The following AHNAK2 variants were observed in gnomAD, a reference collection of about 807,000 sequenced individuals.
AHNAK2 encodes the protein AHNAK nucleoprotein 2.
AHNAK2 carries 18 observed loss-of-function variants against 30.7 expected under a neutral mutation model. The ratio of observed to expected loss-of-function variants is 0.59; its 90% CI spans 0.41 to 0.87. The LOEUF is 0.87. Ranked by LOEUF, AHNAK2 falls within the 40% of genes least tolerant of loss-of-function variation. The pLI, the probability that AHNAK2 is intolerant of heterozygous loss-of-function variation, is 0.00. For missense variants in AHNAK2, 8,604 were observed against 7,373.0 expected, an observed-to-expected ratio of 1.17 and a Z score of -6.11; for synonymous variants, 3,590 against 3,073.8, an observed-to-expected ratio of 1.17 and a Z score of -5.56.
In AHNAK2 at chr14:104,947,046, G is replaced by T. The variant is rs1566907075; in HGVS notation, c.8405C>A (p.Ala2802Asp). The T allele has an allele frequency of 1.9e-6, 3 of 1,612,410 alleles. No individual in the cohort carries two copies. Among genetic ancestry groups the T allele is most frequent in the Non-Finnish European group, 2.5e-6 (3 of 1,179,608 alleles). ...GTCTTTGGCTGTCATGCCCTTGTCG[G>T]CCAGGGACAGGTCCCCCTCCAGCCG... Reference protein sequence around the residue: ...GARLEGDLSLADKGMTAKDSK... With the variant: ...GARLEGDLSLDDKGMTAKDSK... Residue 2802 changes from alanine to aspartate, a missense_variant, in exon 7 of 7, where the codon GCC becomes GAC. Physicochemically the swap from Ala to Asp is moderately radical, Grantham distance 126. Coordinates refer to ENST00000333244, the MANE Select transcript of AHNAK2 (RefSeq NM_138420.4).
Position 104,941,396 on chromosome 14 carries a change from G to A in AHNAK2, c.14055C>T (p.Asn4685=). ...CAACTTCTCCAACAGCAAGCCCCAA[G>A]TTACCATCGCGAGATGGATCATGAA... The part of the protein sequence containing the change: ...GDLHDPSRDG[N]LGLAVGEVGM... Residue 4685 remains asparagine (N), a synonymous_variant, in exon 7 of 7, where the codon AAC becomes AAT. Coordinates refer to ENST00000333244, the MANE Select transcript of AHNAK2 (RefSeq NM_138420.4). 1.2e-6 allele frequency: 2 copies of A among 1,613,282 alleles called. No individual in the cohort carries two copies. The highest frequency in any genetic ancestry group is 1.7e-6 in the Non-Finnish European group (2 of 1,179,870).
At position 104,944,076 on chromosome 14, in the gene AHNAK2, G is replaced by T. The variant is rs1406775081; in HGVS notation, c.11375C>A (p.Ala3792Asp). ...SAQLEGDLSL[A>D]DKDVTAKDSK... ...GTCTTTGGCAGTCACATCCTTGTCG[G>T]CCAGGGACAGGTCCCCCTCCAGCTG... The change falls in exon 7 of 7, where the codon GCC becomes GAC. Residue 3792 changes from alanine (A) to aspartate (D), a missense_variant. By Grantham distance (126) the Ala-to-Asp change is moderately radical (BLOSUM62 -2). Transcript: ENST00000333244. The T allele has an allele frequency of 6.2e-7, 1 of 1,613,156 alleles. No individual in the cohort carries two copies. The highest frequency in any genetic ancestry group is 8.5e-7 in the Non-Finnish European group (1 of 1,179,666).
At chr14:104,957,763 G>T in intron 1 of AHNAK2, 91 bp from the exon 2 acceptor site, 1 of 1,310,986 alleles carries the variant, frequency 7.6e-7, no homozygotes, top group Non-Finnish European at 1.1e-6. Flanking sequence ...TGTACACTGT[G>T]GAGGTGTCAT....
chr14:104,957,824 G>A (rs568286122), intron 1 of AHNAK2, among the ~76,000 whole-genome samples, 152 bp from the exon 2 acceptor site: 1 of 152,300 alleles, frequency 6.6e-6, no homozygotes, highest in East Asian at 1.9e-4. Flanking sequence ...GCTGGGGGAA[G>A]ATCTATAGCC....
Position 104,948,194 on chromosome 14 carries a change from G to C in AHNAK2, c.7257C>G (p.Pro2419=). Residue 2419 remains proline (P), a synonymous_variant, in exon 7 of 7, where the codon CCC becomes CCG. Transcript: ENST00000333244. The part of the protein sequence containing the change: ...FKMPKVDLKG[P]QIDVKGPKLD... ...GCTTGGGGCCCTTGACATCTATCTG[G>C]GGGCCCTTGAGATCTACTTTGGGCA... The C allele has an allele frequency of 6.2e-7, 1 of 1,612,458 alleles. No homozygotes were observed. Among genetic ancestry groups the C allele is most frequent in the Non-Finnish European group, 8.5e-7 (1 of 1,179,530 alleles).
At position 104,938,372 on chromosome 14, in the gene AHNAK2, C is replaced by T; in HGVS notation, c.17079G>A (p.Lys5693=). The part of the protein sequence containing the change: ...PEAELPKKQE[K]AGWFRFPKLG... ...ATTTGGGAAATCGGAACCAGCCTGCCTTCTCCTGTTTTTTAGGCAGTTCTG... is the reference window on the plus strand; with the variant it reads ...ATTTGGGAAATCGGAACCAGCCTGCTTTCTCCTGTTTTTTAGGCAGTTCTG... Residue 5693 remains lysine, a synonymous_variant, in exon 7 of 7, where the codon AAG becomes AAA. Coordinates refer to ENST00000333244, the MANE Select transcript of AHNAK2 (RefSeq NM_138420.4). 6.2e-7 allele frequency: 1 copy of T among 1,613,988 alleles called. No homozygotes were observed. Among genetic ancestry groups the T allele is most frequent in the Non-Finnish European group, 8.5e-7 (1 of 1,179,892 alleles).
intron 1 of AHNAK2, among the ~76,000 whole-genome samples, chr14:104,965,401 C>CAAA (rs397853385): frequency 0.023 from 1,994 of 85,360 alleles, 21 homozygotes; most frequent in Middle Eastern, 0.043. Context: ...AACTCTGTCT[C>CAAA]AAAAAAAAAA....
rs1898485754 is a variant in AHNAK2 at position 104,948,970 on chromosome 14, G to T, written c.6481C>A (p.Pro2161Thr). Residue 2161 changes from proline (P) to threonine (T), a missense_variant, in exon 7 of 7, where the codon CCG becomes ACG. By Grantham distance (38) the Pro-to-Thr change is conservative. Coordinates refer to ENST00000333244, the MANE Select transcript of AHNAK2 (RefSeq NM_138420.4). ...SKFKMPKFKM[P>T]SFGVSAPGKS... Reference sequence around the variant, plus strand: ...CCTGGGGCAGACACCCCAAACGACGGCATCTTGAACTTGGGCATTTTGAAC... The same window carrying T: ...CCTGGGGCAGACACCCCAAACGACGTCATCTTGAACTTGGGCATTTTGAAC... 1 of 1,248,320 alleles carries T rather than the reference G, an allele frequency of 8.0e-7. No homozygotes were observed. Among genetic ancestry groups the T allele is most frequent in the African/African-American group, 1.4e-5 (1 of 71,066 alleles). The allele number at this position is 1,248,320 out of a possible 1,614,324, so 77.3% of individuals were successfully genotyped here. A position where few individuals can be genotyped will look rare whatever the true frequency, so the allele number is the denominator to read the frequency against.
At chr14:104,968,316 C>T (rs1401621190) in intron 1 of AHNAK2, among the ~76,000 whole-genome samples, 1 of 145,634 alleles carries the variant, frequency 6.9e-6, no homozygotes, top group Non-Finnish European at 1.5e-5. Flanking sequence ...AGCTGCCTCC[C>T]CGAGAACTGG....
chr14:104,974,712 G>A (rs117194149), intron 1 of AHNAK2, among the ~76,000 whole-genome samples: 3,720 of 152,324 alleles, frequency 0.024, 57 homozygotes, highest in Middle Eastern at 0.082. Flanking sequence ...CCAGAAGGAT[G>A]GGTGAACAGG....
Position 104,941,411 on chromosome 14 carries a change from T to C in AHNAK2, c.14040A>G (p.Pro4680=), listed in dbSNP as rs1246514118. The C allele has an allele frequency of 5.0e-6, 8 of 1,613,250 alleles. No homozygotes were observed. The highest frequency in any genetic ancestry group is 4.2e-6 in the Non-Finnish European group (5 of 1,179,838). Residue 4680 remains proline (P), a synonymous_variant, in exon 7 of 7, where the codon CCA becomes CCG. Coordinates refer to ENST00000333244, the MANE Select transcript of AHNAK2 (RefSeq NM_138420.4). The part of the protein sequence containing the change: ...SVVHEGDLHD[P]SRDGNLGLAV... ...CAAGCCCCAAGTTACCATCGCGAGA[T>C]GGATCATGAAGATCACCTTCATGAA...
rs1899648820 is a variant in AHNAK2, at chr14:104,978,289, T to C, written c.-52A>G. 1.8e-5 allele frequency: 5 copies of C among 283,152 alleles called. No individual in the cohort carries two copies. The highest frequency in any genetic ancestry group is 2.7e-5 in the Non-Finnish European group (5 of 184,006). 17.5% of individuals were successfully genotyped at this position (283,152 alleles called of 1,614,324 possible). A position where few individuals can be genotyped will look rare whatever the true frequency, so the allele number is the denominator to read the frequency against. On this transcript the variant is annotated 5_prime_UTR_variant, in exon 1 of 7. Coordinates refer to ENST00000333244, the MANE Select transcript of AHNAK2 (RefSeq NM_138420.4). ...GCGGCCCGTCGCGTCCAGTCGCTGG[T>C]CCCGGCTCCGGCGCACGGGGCGGGC...
At position 104,947,391 on chromosome 14, in the gene AHNAK2, A is replaced by T; in HGVS notation, c.8060T>A (p.Met2687Lys). The T allele has an allele frequency of 4.3e-6, 7 of 1,612,514 alleles. No homozygotes were observed. The highest frequency in any genetic ancestry group is 5.9e-6 in the Non-Finnish European group (7 of 1,179,616). The change falls in exon 7 of 7, where the codon ATG becomes AAG. Residue 2687 changes from methionine to lysine, a missense_variant. Physicochemically the swap from Met to Lys is moderately conservative, Grantham distance 95 (BLOSUM62 -1). Coordinates refer to ENST00000333244, the MANE Select transcript of AHNAK2 (RefSeq NM_138420.4). ...KVEADMSLPSMQGDLKTTDIS... is the reference protein window; with the variant it reads ...KVEADMSLPSKQGDLKTTDIS... ...GTCAGTGGTCTTAAGGTCCCCTTGC[A>T]TGGAGGGGAGGCTCATGTCGGCTTC...
In AHNAK2 at chr14:104,946,423, C is replaced by T. The variant is rs1458122337; in HGVS notation, c.9028G>A (p.Ala3010Thr). Residue 3010 changes from alanine to threonine, a missense_variant, in exon 7 of 7, where the codon GCC becomes ACC. Physicochemically the swap from Ala to Thr is moderately conservative, Grantham distance 58 (BLOSUM62 0). Coordinates refer to ENST00000333244, the MANE Select transcript of AHNAK2 (RefSeq NM_138420.4). ...TGCATGGAGGGGAGGCTCACTTCGG[C>T]CTCCACCTTCGGCGCAGACACATCC... Reference protein sequence around the residue: ...SVDVSAPKVEAEVSLPSMQGD... With the variant: ...SVDVSAPKVETEVSLPSMQGD... The T allele has an allele frequency of 2.5e-6, 4 of 1,612,726 alleles. No individual in the cohort carries two copies. Among genetic ancestry groups the T allele is most frequent in the Non-Finnish European group, 3.4e-6 (4 of 1,179,602 alleles).
At position 104,948,260 on chromosome 14, in the gene AHNAK2, G is replaced by C; in HGVS notation, c.7191C>G (p.Leu2397=). 1 of 1,612,334 alleles carries C rather than the reference G, an allele frequency of 6.2e-7. No individual in the cohort carries two copies. Among genetic ancestry groups the C allele is most frequent in the Non-Finnish European group, 8.5e-7 (1 of 1,179,502 alleles). The change falls in exon 7 of 7, where the codon CTC becomes CTG. Residue 2397 remains leucine, a synonymous_variant. Transcript: ENST00000333244. Reference sequence around the variant, plus strand: ...TCTGCAGCTTGGGCAGGTGCCCTTTGAGGCCGGCTCCCTCCGGCACGGGGC... The same window carrying C: ...TCTGCAGCTTGGGCAGGTGCCCTTTCAGGCCGGCTCCCTCCGGCACGGGGC... ...PEGPVPEGAG[L]KGHLPKLQMP... is the part of the protein sequence containing the mutation.
chr14:104,976,939 C>T (rs938957720), intron 1 of AHNAK2, among the ~76,000 whole-genome samples: 2 of 152,218 alleles, frequency 1.3e-5, no homozygotes, highest in Non-Finnish European at 2.9e-5. Context: ...CTCCAGCCCA[C>T]CGGAGCCATC....
rs774545861 is a variant in AHNAK2 at position 104,940,685 on chromosome 14, T to C, written c.14766A>G (p.Pro4922=). 1.2e-6 allele frequency: 2 copies of C among 1,613,282 alleles called. No individual in the cohort carries two copies. Among genetic ancestry groups the C allele is most frequent in the Non-Finnish European group, 1.7e-6 (2 of 1,179,844 alleles). Reference sequence around the variant, plus strand: ...TCTGCAAGGAGGCCACAAGCTCTTCTGGGCCCTGAGACACACAGGTGCCTG... The same window carrying C: ...TCTGCAAGGAGGCCACAAGCTCTTCCGGGCCCTGAGACACACAGGTGCCTG... The part of the protein sequence containing the change: ...PSPGTCVSQG[P]EELVASLQTS... The change falls in exon 7 of 7, where the codon CCA becomes CCG. Residue 4922 remains proline, a synonymous_variant. Transcript: ENST00000333244. This position sits in a 1 kb window ranked among gnomAD's most constrained non-coding sequence, Gnocchi z 4.4.
chr14:104,974,390 G>C (rs1899547866), intron 1 of AHNAK2, among the ~76,000 whole-genome samples: 1 of 152,376 alleles, frequency 6.6e-6, no homozygotes, highest in Admixed American at 6.5e-5. Context: ...TCCAGCAGCT[G>C]ACGCTGCCAC....
chr14:104,949,801 C>T lies in AHNAK2; in HGVS notation c.5650G>A (p.Ala1884Thr), dbSNP rs199997021. Residue 1884 changes from alanine (A) to threonine (T), a missense_variant, in exon 7 of 7, where the codon GCT becomes ACT. Coordinates refer to ENST00000333244, the MANE Select transcript of AHNAK2 (RefSeq NM_138420.4). Reference protein sequence around the residue: ...PLPSADLVVQAGQVDMKLPEG... With the variant: ...PLPSADLVVQTGQVDMKLPEG... ...GGGAGCTTCATGTCCACTTGGCCAG[C>T]CTGGACCACCAGGTCTGCAGAAGGG... 1.3e-5 allele frequency: 20 copies of T among 1,586,978 alleles called. 3 individuals are homozygous for T. The South Asian group carries it at 1.9e-4, about 15-fold the overall frequency.
Sources: gnomAD v4.1 joint callset for allele counts (sites outside exome capture counted in the v4.1 genomes callset) on GRCh38, gnomAD v4.1.1 for gene constraint, Gnocchi (gnomAD v3.1) non-coding constraint, MANE v1.5 for transcripts, NCBI Gene and HGNC (gene_info 2026-07-23, HGNC 2026-07-21) for gene names.